The following TOP2A variants were observed in gnomAD, a reference collection of about 807,000 sequenced individuals.
TOP2A encodes the protein DNA topoisomerase 2-alpha.
Under a neutral mutation model 187.2 loss-of-function variants are expected in TOP2A, and 68 were observed. The observed-to-expected ratio is 0.36, with a 90% CI of 0.30 to 0.44. The LOEUF is 0.44. Ranked by LOEUF, TOP2A falls within the 20% of genes least tolerant of loss-of-function variation. TOP2A has a pLI of 1.00. For synonymous variants in TOP2A, 542 were observed against 593.2 expected (o/e 0.91, Z 1.25); for missense variants, 1,196 against 1,808.7 (o/e 0.66, Z 6.14).
rs2143614040 is a variant in TOP2A, at chr17:40,389,373, C to G, written c.*146G>C. 2 of 847,914 alleles carry G rather than the reference C, an allele frequency of 2.4e-6. No individual in the cohort carries two copies. Among genetic ancestry groups the G allele is most frequent in the Non-Finnish European group, 3.5e-6 (2 of 567,076 alleles). 52.5% of individuals were successfully genotyped at this position (847,914 alleles called of 1,614,324 possible). A position where few individuals can be genotyped will look rare whatever the true frequency, so the allele number is the denominator to read the frequency against. ...CAGTATTATAAAAAGCTAAAGAACACTTGGGCTTTACTTCACTTTGATGTC... is the reference window on the plus strand; with the variant it reads ...CAGTATTATAAAAAGCTAAAGAACAGTTGGGCTTTACTTCACTTTGATGTC... On this transcript the variant is annotated 3_prime_UTR_variant, in exon 35 of 35. Coordinates refer to ENST00000423485, the MANE Select transcript of TOP2A (RefSeq NM_001067.4).
Position 40,416,447 on chromosome 17 carries a change from C to G in TOP2A, c.243G>C (p.Leu81Phe). 1 of 1,598,810 alleles carries G rather than the reference C, an allele frequency of 6.3e-7. No homozygotes were observed. Among genetic ancestry groups the G allele is most frequent in the African/African-American group, 1.3e-5 (1 of 74,746 alleles). Residue 81 changes from leucine to phenylalanine, a missense_variant, in exon 3 of 35, where the codon TTG becomes TTC. Leu to Phe is a conservative substitution (Grantham distance 22). Around this residue, in one of 10 missense-constraint regions of TOP2A, gnomAD observed 97 missense variants for 171.0 expected, o/e 0.57. Transcript: ENST00000423485. ...NYREVTFVPG[L>F]YKIFDEILVN... ...CTAGAATCTCATCAAAGATTTTGTA[C>G]AAACCAGGAACAAAAGTGACTTCCC...
chr17:40,415,976 A>G, intron 4 of TOP2A, 29 bp downstream of exon 4: 2 of 1,479,914 alleles, frequency 1.4e-6, no homozygotes, highest in Non-Finnish European at 1.9e-6. Context: ...GCAACGAGCT[A>G]CATAACAAAA....
intron 25 of TOP2A, 24 bp downstream of exon 25, chr17:40,399,016 T>A (rs758896410): frequency 6.3e-7 from 1 of 1,591,904 alleles, no homozygotes; most frequent in African/African-American, 1.3e-5. Flanking sequence ...TTTAACAATA[T>A]AGAAAAGTGC....
chr17:40,405,457 G>T (rs8075205), intron 16 of TOP2A, among the ~76,000 whole-genome samples: 57 of 129,680 alleles, frequency 4.4e-4, no homozygotes, highest in Non-Finnish European at 7.0e-4. Flanking sequence ...GACCTTTTTT[G>T]TTTTTTTTTT....
intron 29 of TOP2A, among the ~76,000 whole-genome samples, chr17:40,394,391 G>A (rs965343484): frequency 6.6e-6 from 1 of 152,132 alleles, no homozygotes; most frequent in Non-Finnish European, 1.5e-5. Flanking sequence ...GGAGTGCAAT[G>A]GCACAGTCTT....
At chr17:40,416,207 TC>T in intron 3 of TOP2A, 139 bp from the exon 4 acceptor site, 2 of 785,932 alleles carry the variant, frequency 2.5e-6, no homozygotes, top group Non-Finnish European at 4.1e-6. Flanking sequence ...GCAATTTTTG[TC>T]CATAGTACTG....
chr17:40,409,474 C>T (rs2035292289), intron 10 of TOP2A: 1 of 449,108 alleles, frequency 2.2e-6, no homozygotes, highest in Admixed American at 2.4e-5. Flanking sequence ...AGAAGACAGA[C>T]ATAGCTGGGT....
At chr17:40,396,014 C>G (rs1196655616) in intron 28 of TOP2A, among the ~76,000 whole-genome samples, 1 of 141,606 alleles carries the variant, frequency 7.1e-6, no homozygotes, top group African/African-American at 2.7e-5. Context: ...GAGTTTTGCT[C>G]TGTTGGCCAG....
intron 28 of TOP2A, among the ~76,000 whole-genome samples, chr17:40,395,962 T>C (rs2035091678): frequency 6.9e-6 from 1 of 145,020 alleles, no homozygotes. Flanking sequence ...ATTTTATGCA[T>C]AATATTTTTA....
chr17:40,417,892 C>T lies in TOP2A; in HGVS notation c.-101G>A. The T allele has an allele frequency of 2.0e-6, 3 of 1,527,622 alleles. No homozygotes were observed. The highest frequency in any genetic ancestry group is 2.7e-6 in the Non-Finnish European group (3 of 1,116,658). The allele number at this position is 1,527,622 out of a possible 1,614,324, so 94.6% of individuals were successfully genotyped here. ...AAGCCGCTTCTCCACAGACGCGCGT[C>T]GGTTAGGAGAGCTCCACTTGAACCT... On this transcript the variant is annotated 5_prime_UTR_variant, in exon 1 of 35. Transcript: ENST00000423485.
intron 10 of TOP2A, chr17:40,409,188 CCG>C: frequency 4.5e-6 from 1 of 222,222 alleles, no homozygotes; most frequent in South Asian, 3.6e-5. Context: ...AAGTGAAACT[CCG>C]TCTCAAAAAA....
At chr17:40,406,324 A>C in intron 16 of TOP2A, 60 bp downstream of exon 16, 5 of 1,243,130 alleles carry the variant, frequency 4.0e-6, no homozygotes, top group Non-Finnish European at 5.6e-6. Flanking sequence ...TAAATGTTTC[A>C]ACTGGCTAAA....
rs2035345984 is a variant in TOP2A at position 40,413,234 on chromosome 17, C to T, written c.537G>A (p.Val179=). ...TCTTGTATTCTCTACTGGCTGTTTC[C>T]ACAGTAAATTTGGTACTGAATATGT... ...LCNIFSTKFT[V]ETASREYKKM... is the part of the protein sequence containing the mutation. The change falls in exon 6 of 35, where the codon GTG becomes GTA. Residue 179 remains valine (V), a synonymous_variant. Transcript: ENST00000423485. 1.3e-6 allele frequency: 2 copies of T among 1,566,006 alleles called. No individual in the cohort carries two copies. Among genetic ancestry groups the T allele is most frequent in the Non-Finnish European group, 8.7e-7 (1 of 1,153,628 alleles).
chr17:40,393,807 G>A (rs2035056217), intron 29 of TOP2A, among the ~76,000 whole-genome samples: 1 of 152,150 alleles, frequency 6.6e-6, no homozygotes, highest in Non-Finnish European at 1.5e-5. Flanking sequence ...CACGGGCTTA[G>A]CAAAATGGGA....
In TOP2A at chr17:40,398,831, G is replaced by C. The variant is rs2143642459; in HGVS notation, c.3395C>G (p.Pro1132Arg). Residue 1132 changes from proline to arginine, a missense_variant, in exon 26 of 35, where the codon CCC becomes CGC. Pro to Arg is a moderately radical substitution (Grantham distance 103). This residue lies in a region of TOP2A where 3 missense variants were observed against 20.3 expected (regional missense o/e 0.15). Transcript: ENST00000423485. The part of the protein sequence containing the change: ...GPTFNYLLDM[P>R]LWYLTKEKKD... ...CTTTTCCTTGGTTAAATACCAAAGG[G>C]GCATATCAAGAAGATAGTTGAAGGT... 6.2e-7 allele frequency: 1 copy of C among 1,613,582 alleles called. No homozygotes were observed. Among genetic ancestry groups the C allele is most frequent in the Non-Finnish European group, 8.5e-7 (1 of 1,179,812 alleles).
intron 33 of TOP2A, among the ~76,000 whole-genome samples, 191 bp from the exon 34 acceptor site, chr17:40,390,355 A>AT (rs2035007266): frequency 6.6e-6 from 1 of 151,326 alleles, no homozygotes; most frequent in Non-Finnish European, 1.5e-5. Context: ...CACCCGGCTA[A>AT]TTTTTTGTAT....
chr17:40,391,720 A>C, intron 32 of TOP2A, 80 bp from the exon 33 acceptor site: 1 of 1,358,954 alleles, frequency 7.4e-7, no homozygotes, highest in Non-Finnish European at 9.7e-7. Flanking sequence ...CCTGGTATGA[A>C]TTCCTATTTA....
chr17:40,405,476 A>C (rs1416424191), intron 16 of TOP2A, among the ~76,000 whole-genome samples: 5 of 118,146 alleles, frequency 4.2e-5, no homozygotes, highest in Non-Finnish European at 3.4e-5. Context: ...TTTTTTTGAG[A>C]CAGAGTCTCG....
chr17:40,413,378 T>A (rs1328331004), intron 5 of TOP2A, 86 bp from the exon 6 acceptor site: 1 of 1,384,534 alleles, frequency 7.2e-7, no homozygotes, highest in African/African-American at 1.5e-5. Flanking sequence ...GCTATTCAAT[T>A]ATAGAGATTT....
Sources: allele counts gnomAD v4.1 joint callset (sites outside exome capture counted in the v4.1 genomes callset), GRCh38; gene constraint gnomAD v4.1.1; regional missense constraint gnomAD v4.1.1; transcripts MANE v1.5; gene names NCBI Gene and HGNC (gene_info 2026-07-23, HGNC 2026-07-21).